The following SCD5 variants were observed in gnomAD, a reference collection of about 807,000 sequenced individuals.
SCD5 encodes stearoyl-CoA desaturase 5.
In SCD5, 20 loss-of-function variants were observed where a neutral mutation model predicts 30.4. That is an observed-to-expected ratio of 0.66 (90% confidence interval 0.46 to 0.96). The LOEUF (loss-of-function observed/expected upper bound fraction) is 0.96. SCD5 is among the 40% of genes least tolerant of loss of function. The pLI is 0.00. For synonymous variants in SCD5, 173 were observed against 176.4 expected, an observed-to-expected ratio of 0.98 and a Z score of 0.16; for missense variants, 381 against 443.3, an observed-to-expected ratio of 0.86 and a Z score of 1.26.
Position 82,631,092 on chromosome 4 carries a change from C to T in SCD5, c.*235G>A. On this transcript the variant is annotated 3_prime_UTR_variant, in exon 5 of 5. Coordinates refer to ENST00000319540, the MANE Select transcript of SCD5 (RefSeq NM_001037582.3). ...CGCCACTGCACTCCAGCCTGGGTGA[C>T]AGAGTGAGACTCTGTCTCAAAAACA... is the stretch of plus-strand genomic sequence containing the variant. 1 of 369,550 alleles carries T rather than the reference C, an allele frequency of 2.7e-6. No individual in the cohort carries two copies. The highest frequency in any genetic ancestry group is 4.9e-6 in the Non-Finnish European group (1 of 206,148). The allele number at this position is 369,550 out of a possible 1,614,324, so 22.9% of individuals were successfully genotyped here. A position where few individuals can be genotyped will look rare whatever the true frequency, so the allele number is the denominator to read the frequency against.
At chr4:82,760,271 T>C (rs998239530) in intron 1 of SCD5, among the ~76,000 whole-genome samples, 1 of 152,122 alleles carries the variant, frequency 6.6e-6, no homozygotes, top group Non-Finnish European at 1.5e-5. Context: ...GCTGATTTGA[T>C]TTTCCACCAT....
chr4:82,701,426 A>G (rs370780240), intron 2 of SCD5, among the ~76,000 whole-genome samples: 6 of 152,326 alleles, frequency 3.9e-5, no homozygotes, highest in Non-Finnish European at 8.8e-5. Context: ...CTTGGTAGAT[A>G]TTAGTCCAAC....
At chr4:82,720,435 C>CAAAAAAACAAAAAAAAAA in intron 1 of SCD5, among the ~76,000 whole-genome samples, 1 of 14,398 alleles carries the variant, frequency 6.9e-5, no homozygotes, top group Non-Finnish European at 1.2e-4. Context: ...TCAAAAAAGG[C>CAAAAAAACAAAAAAAAAA]AAAAATAAAA....
chr4:82,660,606 G>T, intron 3 of SCD5: 6 of 1,286,348 alleles, frequency 4.7e-6, no homozygotes, highest in Non-Finnish European at 6.0e-6. Flanking sequence ...TGTAAGGTAG[G>T]TATCATTATT....
At chr4:82,765,684 T>C (rs949211708) in intron 1 of SCD5, among the ~76,000 whole-genome samples, 10 of 152,058 alleles carry the variant, frequency 6.6e-5, no homozygotes, top group African/African-American at 2.4e-4. Flanking sequence ...CAGTGTGATC[T>C]TGGCTCACTG....
intron 3 of SCD5, among the ~76,000 whole-genome samples, chr4:82,642,061 G>A (rs945982744): frequency 6.6e-6 from 1 of 152,048 alleles, no homozygotes; most frequent in Non-Finnish European, 1.5e-5. Context: ...GATGGGGACG[G>A]GAGTAGAAGT....
chr4:82,795,809 CAAAAAAAAAAAAA>C (rs72115040), intron 1 of SCD5, among the ~76,000 whole-genome samples: 2 of 43,902 alleles, frequency 4.6e-5, no homozygotes, highest in African/African-American at 8.8e-5. Context: ...CCCTGTCTCA[CAAAAAAAAAAAAA>C]AAAAAAAAAA....
intron 1 of SCD5, among the ~76,000 whole-genome samples, chr4:82,736,945 TG>T (rs1182526480): frequency 6.6e-6 from 1 of 152,176 alleles, no homozygotes; most frequent in Non-Finnish European, 1.5e-5. Flanking sequence ...GGATTACAGG[TG>T]TAAGCCACCG....
At chr4:82,698,185 A>G in intron 2 of SCD5, 1 of 453,634 alleles carries the variant, frequency 2.2e-6, no homozygotes, top group Non-Finnish European at 4.4e-6. Context: ...TCTGAAGCTT[A>G]GGCTCATGGC....
intron 3 of SCD5, among the ~76,000 whole-genome samples, chr4:82,674,386 T>C (rs1312580861): frequency 4.6e-5 from 7 of 152,070 alleles, no homozygotes; most frequent in Admixed American, 2.0e-4. Flanking sequence ...AATAAGCTTA[T>C]CTCATCAGGG....
chr4:82,788,880 G>A (rs1335254455), intron 1 of SCD5, among the ~76,000 whole-genome samples: 6 of 152,236 alleles, frequency 3.9e-5, no homozygotes, highest in African/African-American at 1.2e-4. Flanking sequence ...AATGCAACAA[G>A]CCACCATGGC....
chr4:82,632,368 TC>T (rs1727313656), intron 4 of SCD5, among the ~76,000 whole-genome samples: 1 of 152,138 alleles, frequency 6.6e-6, no homozygotes, highest in Non-Finnish European at 1.5e-5. Context: ...CATGAACTCA[TC>T]CTTTTTTATG....
intron 2 of SCD5, among the ~76,000 whole-genome samples, chr4:82,700,883 A>AAAAATGGT (rs1287913347): frequency 6.6e-6 from 1 of 151,656 alleles, no homozygotes; most frequent in African/African-American, 2.4e-5. Context: ...TTGCCTTGCA[A>AAAAATGGT]AAAATGGTAA....
At chr4:82,764,320 T>C (rs1028168608) in intron 1 of SCD5, among the ~76,000 whole-genome samples, 21 of 152,350 alleles carry the variant, frequency 1.4e-4, no homozygotes, top group African/African-American at 4.8e-4. Context: ...TTTAGATCAT[T>C]TACATTTGGT....
intron 2 of SCD5, among the ~76,000 whole-genome samples, chr4:82,704,011 C>T (rs1719915195): frequency 6.6e-6 from 1 of 152,194 alleles, no homozygotes; most frequent in Non-Finnish European, 1.5e-5. Context: ...TAGCTTATTT[C>T]CTAGGACCTC....
In SCD5 at chr4:82,789,577, G is replaced by A. The variant is rs148975282; in HGVS notation, c.232+8729C>T. ...GAGTAGCAAGGCCCTTAAGGCTCAG[G>A]CAACTGCAGCTGTAAGACTGTCTGC... On this transcript the variant is annotated intron_variant, in intron 1 of 4. Transcript: ENST00000319540. Among the ~76,000 whole-genome samples, 520 of 152,328 alleles carry A rather than the reference G, an allele frequency of 3.4e-3. 7 individuals are homozygous for A. Among genetic ancestry groups the A allele is most frequent in the African/African-American group, 0.012 (499 of 41,570 alleles).
At position 82,687,132 on chromosome 4, in the gene SCD5, C is replaced by T. The variant is rs1357980386; in HGVS notation, c.364-6220G>A. Reference sequence around the variant, plus strand: ...GTTGCAGGGAGCTGAGATTGTGTCACTGCACTCCAGCCTGGGCAACAGAGT... The same window carrying T: ...GTTGCAGGGAGCTGAGATTGTGTCATTGCACTCCAGCCTGGGCAACAGAGT... On this transcript the variant is annotated intron_variant, in intron 2 of 4. Coordinates refer to ENST00000319540, the MANE Select transcript of SCD5 (RefSeq NM_001037582.3). Among the ~76,000 whole-genome samples the T allele has an allele frequency of 4.8e-5, 7 of 145,314 alleles. No individual in the cohort carries two copies. The Admixed American group carries it at 5.0e-4, about 10-fold the overall frequency.
rs113383518 is a variant in SCD5 at position 82,699,726 on chromosome 4, A to G, written c.363+5557T>C. Among the ~76,000 whole-genome samples, 585 of 150,366 alleles carry G rather than the reference A, an allele frequency of 3.9e-3. 6 individuals are homozygous for G. The highest frequency in any genetic ancestry group is 0.014 in the African/African-American group (552 of 40,848). On this transcript the variant is annotated intron_variant, in intron 2 of 4. Transcript: ENST00000319540. ...CACCAGGCTGAAGTGCAGTGGCACA[A>G]TCTCAGCTTACTGCAACCTCCACGT...
In SCD5 at chr4:82,719,754, C is replaced by T. The variant is rs913849240; in HGVS notation, c.233-14341G>A. ...TCTTGACCTTGTGATCCACCCGCCT[C>T]GGCCTCCCAAAGTGCTGGGATTACA... is the stretch of plus-strand genomic sequence containing the variant. On this transcript the variant is annotated intron_variant, in intron 1 of 4. Transcript: ENST00000319540. Among the ~76,000 whole-genome samples the T allele has an allele frequency of 7.3e-5, 11 of 151,118 alleles. No homozygotes were observed. The East Asian group carries it at 1.4e-3, about 19-fold the overall frequency.
Sources: allele counts gnomAD v4.1 joint callset (sites outside exome capture counted in the v4.1 genomes callset), GRCh38; gene constraint gnomAD v4.1.1; transcripts MANE v1.5; gene names NCBI Gene and HGNC (gene_info 2026-07-23, HGNC 2026-07-21).